The following ADGRB2 variants were observed in gnomAD, a reference collection of about 807,000 sequenced individuals.
ADGRB2 encodes the protein brain-specific angiogenesis inhibitor 2.
Under a neutral mutation model 178.7 loss-of-function variants are expected in ADGRB2, and 47 were observed. The ratio of observed to expected loss-of-function variants is 0.26; its 90% confidence interval spans 0.21 to 0.34. ADGRB2 has a LOEUF of 0.34. Ranked by LOEUF, ADGRB2 falls within the 10% of genes least tolerant of loss-of-function variation. The probability of loss-of-function intolerance (pLI) is 1.00; values close to 1 mark genes in which losing one functional copy is unlikely to be tolerated. For synonymous variants in ADGRB2, 870 were observed against 912.4 expected (o/e 0.95, Z 0.84); for missense variants, 1,584 against 2,180.8 (o/e 0.73, Z 5.45).
intron 18 of ADGRB2, 116 bp downstream of exon 18, chr1:31,738,084 G>T: frequency 7.0e-7 from 1 of 1,429,954 alleles, no homozygotes; most frequent in Non-Finnish European, 9.4e-7. Context: ...TCCCACAAGC[G>T]CACCTGCAGA....
Position 31,758,843 on chromosome 1 carries a change from A to C in ADGRB2, c.-190-1332T>G. On this transcript the variant is annotated intron_variant, in intron 1 of 32. Coordinates refer to ENST00000373658, the MANE Select transcript of ADGRB2 (RefSeq NM_001364857.2). The surrounding 1 kb of genome is among the most constrained non-coding windows in gnomAD (Gnocchi z 4.2). ...AGGGATCAGACCCCTGGTCTTTCCC[A>C]CCCTACATCATGCCTGTCCCACACT... 1 of 166,696 alleles carries C rather than the reference A, an allele frequency of 6.0e-6. No individual in the cohort carries two copies. The highest frequency in any genetic ancestry group is 1.3e-5 in the Non-Finnish European group (1 of 75,760). The allele number at this position is 166,696 out of a possible 1,614,324, so 10.3% of individuals were successfully genotyped here. A position where few individuals can be genotyped will look rare whatever the true frequency, so the allele number is the denominator to read the frequency against.
Position 31,740,197 on chromosome 1 carries a change from G to A in ADGRB2, c.1990-19C>T, listed in dbSNP as rs946748626. On this transcript the variant is annotated intron_variant, in intron 12 of 32. Coordinates refer to ENST00000373658, the MANE Select transcript of ADGRB2 (RefSeq NM_001364857.2). The surrounding 1 kb of genome is among the most constrained non-coding windows in gnomAD (Gnocchi z 5.9). ...AGAAGCGCTGAGGAGAGAGCAATGA[G>A]TGGCAGGGGGTCCTAGCCCCAGGGA... 4 of 1,613,840 alleles carry A rather than the reference G, an allele frequency of 2.5e-6. No homozygotes were observed. The highest frequency in any genetic ancestry group is 3.4e-6 in the Non-Finnish European group (4 of 1,180,000).
Position 31,731,006 on chromosome 1 carries a change from T to C in ADGRB2, c.4174A>G (p.Thr1392Ala). ...GACAGGAAGCTGGGGTAGCCTTCAG[T>C]GTGGGCCACTGTCTTGGCAGCTCGC... Reference protein sequence around the residue: ...PRRAAKTVAHTEGYPSFLSVD... With the variant: ...PRRAAKTVAHAEGYPSFLSVD... The change falls in exon 29 of 33, where the codon ACT (threonine) becomes GCT (alanine). Residue 1392 changes from threonine to alanine, a missense_variant. Physicochemically the swap from Thr to Ala is moderately conservative, Grantham distance 58. Coordinates refer to ENST00000373658, the MANE Select transcript of ADGRB2 (RefSeq NM_001364857.2). The C allele has an allele frequency of 6.3e-7, 1 of 1,576,806 alleles. No individual in the cohort carries two copies. The highest frequency in any genetic ancestry group is 8.6e-7 in the Non-Finnish European group (1 of 1,158,418).
In ADGRB2 at chr1:31,742,931, G is replaced by A. The variant is rs1243425104; in HGVS notation, c.1159C>T (p.Arg387Trp). The A allele has an allele frequency of 1.9e-6, 3 of 1,541,148 alleles. No individual in the cohort carries two copies. Among genetic ancestry groups the A allele is most frequent in the African/African-American group, 2.8e-5 (2 of 72,368 alleles). The change falls in exon 7 of 33, where the codon CGG (arginine) becomes TGG (tryptophan). Residue 387 changes from arginine (R) to tryptophan (W), a missense_variant. Coordinates refer to ENST00000373658, the MANE Select transcript of ADGRB2 (RefSeq NM_001364857.2). ...SRSCGRGSRS[R>W]MRTCVPPQHG... is the part of the protein sequence containing the mutation. Reference sequence around the variant, plus strand: ...TGGGGGGGCACGCAGGTCCGCATCCGGCTCCGGGACCCCCGCCCGCAGCTG... The same window carrying A: ...TGGGGGGGCACGCAGGTCCGCATCCAGCTCCGGGACCCCCGCCCGCAGCTG...
Position 31,744,441 on chromosome 1 carries a change from G to T in ADGRB2, c.923-84C>A. The T allele has an allele frequency of 6.6e-7, 1 of 1,516,460 alleles. No homozygotes were observed. Among genetic ancestry groups the T allele is most frequent in the East Asian group, 2.5e-5 (1 of 40,648 alleles). 93.9% of individuals were successfully genotyped at this position (1,516,460 alleles called of 1,614,324 possible). A position where few individuals can be genotyped will look rare whatever the true frequency, so the allele number is the denominator to read the frequency against. On this transcript the variant is annotated intron_variant, in intron 5 of 32. Transcript: ENST00000373658. This position sits in a 1 kb window ranked among gnomAD's most constrained non-coding sequence, Gnocchi z 6.7. ...GGGATAGGGGGAGTGGCAGTAAGGT[G>T]GGGGCAGGCATCAGAGGGCTCCTCC...
intron 18 of ADGRB2, 52 bp from the exon 19 acceptor site, chr1:31,737,807 A>G: frequency 6.6e-7 from 1 of 1,521,066 alleles, no homozygotes; most frequent in Non-Finnish European, 9.1e-7. Flanking sequence ...GGGGAGCTGC[A>G]GGGGTGCCCT....
At position 31,741,464 on chromosome 1, in the gene ADGRB2, C is replaced by T. The variant is rs768585899; in HGVS notation, c.1703G>A (p.Arg568His). 7 of 1,593,514 alleles carry T rather than the reference C, an allele frequency of 4.4e-6. No individual in the cohort carries two copies. The highest frequency in any genetic ancestry group is 1.1e-5 in the South Asian group (1 of 88,390). The change falls in exon 11 of 33, where the codon CGC (arginine) becomes CAC (histidine). Residue 568 changes from arginine to histidine, a missense_variant. Around this residue, in one of 3 missense-constraint regions of ADGRB2, gnomAD observed 657 missense variants for 847.6 expected, o/e 0.78. Transcript: ENST00000373658. This position sits in a 1 kb window ranked among gnomAD's most constrained non-coding sequence, Gnocchi z 6.5. ...CACGCCTTGGGCACTGAGGAGACAG[C>T]GGCGGCTGGCAGACCCTGCAGGGCA... ...PPNASGSASR[R>H]CLLSAQGVAY...
chr1:31,728,408 G>A lies in ADGRB2; in HGVS notation c.4417-128C>T. 1 of 1,265,710 alleles carries A rather than the reference G, an allele frequency of 7.9e-7. No homozygotes were observed. The highest frequency in any genetic ancestry group is 1.1e-6 in the Non-Finnish European group (1 of 884,130). 78.4% of individuals were successfully genotyped at this position (1,265,710 alleles called of 1,614,324 possible). A position where few individuals can be genotyped will look rare whatever the true frequency, so the allele number is the denominator to read the frequency against. ...GCCAGCCCCTCTGGGACAAGACCTA[G>A]TTCTCTCTTCACGTTGGTGCTATGG... is the stretch of plus-strand genomic sequence containing the variant. On this transcript the variant is annotated intron_variant, in intron 30 of 32. Coordinates refer to ENST00000373658, the MANE Select transcript of ADGRB2 (RefSeq NM_001364857.2). This position sits in a 1 kb window ranked among gnomAD's most constrained non-coding sequence, Gnocchi z 6.7.
chr1:31,741,366 C>A lies in ADGRB2; in HGVS notation c.1794+7G>T. ...TGCTGTGCCCCAGCCCAGCAGGGTG[C>A]ACTCACTGACAGATACAGGTAGCGG... On this transcript the variant is annotated splice_region_variant and intron_variant, in intron 11 of 32. Coordinates refer to ENST00000373658, the MANE Select transcript of ADGRB2 (RefSeq NM_001364857.2). The surrounding 1 kb of genome is among the most constrained non-coding windows in gnomAD (Gnocchi z 6.5). 6.3e-7 allele frequency: 1 copy of A among 1,594,078 alleles called. No homozygotes were observed. Among genetic ancestry groups the A allele is most frequent in the Non-Finnish European group, 8.5e-7 (1 of 1,170,062 alleles).
intron 20 of ADGRB2, among the ~76,000 whole-genome samples, chr1:31,736,978 G>A (rs1391394804): frequency 1.3e-5 from 2 of 152,218 alleles, no homozygotes; most frequent in Non-Finnish European, 2.9e-5. Context: ...CTGGCAGGGA[G>A]GGGGACAGAC....
At chr1:31,746,947 C>T (rs1374844352) in intron 4 of ADGRB2, among the ~76,000 whole-genome samples, 2 of 152,216 alleles carry the variant, frequency 1.3e-5, no homozygotes, top group African/African-American at 2.4e-5. Context: ...GCTCTGCAGC[C>T]AGCACTCTGG....
In ADGRB2 at chr1:31,756,200, C is replaced by T. The variant is rs1299361398; in HGVS notation, c.637G>A (p.Gly213Ser). ...RWSEECGRAA[G>S]RACGFAQPGC... ...GGCTGAGCAAAGCCGCAGGCCCTGC[C>T]GGCAGCGCGGCCACACTCCTCACTC... The change falls in exon 4 of 33, where the codon GGC becomes AGC. Residue 213 changes from glycine (G) to serine (S), a missense_variant. Coordinates refer to ENST00000373658, the MANE Select transcript of ADGRB2 (RefSeq NM_001364857.2). This position sits in a 1 kb window ranked among gnomAD's most constrained non-coding sequence, Gnocchi z 8.5. 5 of 1,613,502 alleles carry T rather than the reference C, an allele frequency of 3.1e-6. No individual in the cohort carries two copies. The highest frequency in any genetic ancestry group is 4.2e-6 in the Non-Finnish European group (5 of 1,179,894).
chr1:31,728,073 C>T lies in ADGRB2; in HGVS notation c.4524G>A (p.Lys1508=), dbSNP rs1569688013. 6.2e-7 allele frequency: 1 copy of T among 1,604,896 alleles called. No individual in the cohort carries two copies. The highest frequency in any genetic ancestry group is 1.1e-5 in the South Asian group (1 of 90,156). Residue 1508 remains lysine, a synonymous_variant, in exon 32 of 33, where the codon AAG becomes AAA. Coordinates refer to ENST00000373658, the MANE Select transcript of ADGRB2 (RefSeq NM_001364857.2). The surrounding 1 kb of genome is among the most constrained non-coding windows in gnomAD (Gnocchi z 6.7). ...CCCCACCCGAGGACACACTCCACCG[C>T]TTCTCCCTCTGCAACGGGGGCCACC... ...YRSQSTAKRE[K]RWSVSSGGAA...
At chr1:31,738,426 C>T in intron 17 of ADGRB2, 100 bp from the exon 18 acceptor site, 1 of 1,569,516 alleles carries the variant, frequency 6.4e-7, no homozygotes, top group South Asian at 1.2e-5. Flanking sequence ...ACAGTAAGGC[C>T]ACATCCACGA....
rs1553185142 is a variant in ADGRB2 at position 31,740,893 on chromosome 1, G to GTGCA, written c.1795-353_1795-352insTGCA. 5.9e-5 allele frequency among the ~76,000 whole-genome samples: 2 copies of GTGCA among 33,714 alleles called. No individual in the cohort carries two copies. The highest frequency in any genetic ancestry group is 7.6e-5 in the Non-Finnish European group (1 of 13,206). The allele number at this position is 33,714 out of a possible 152,430, so 22.1% of individuals were successfully genotyped here. On this transcript the variant is annotated intron_variant, in intron 11 of 32. Transcript: ENST00000373658. This position sits in a 1 kb window ranked among gnomAD's most constrained non-coding sequence, Gnocchi z 5.9. ...GTAATGAGCATGTGTGTGGGCGCGCGCGCACACACACACACACACACACAC... is the reference window on the plus strand; with the variant it reads ...GTAATGAGCATGTGTGTGGGCGCGCGTGCACGCACACACACACACACACACACAC...
rs1645585225 is a variant in ADGRB2, at chr1:31,735,961, C to G, written c.3201-68G>C. 1 of 1,457,366 alleles carries G rather than the reference C, an allele frequency of 6.9e-7. No individual in the cohort carries two copies. The allele number at this position is 1,457,366 out of a possible 1,614,324, so 90.3% of individuals were successfully genotyped here. A position where few individuals can be genotyped will look rare whatever the true frequency, so the allele number is the denominator to read the frequency against. ...CCCTCCCCACCCTCAAACACCATCC[C>G]TCAGTCCTCCCAGGCTGCCATGCCC... is the stretch of plus-strand genomic sequence containing the variant. On this transcript the variant is annotated intron_variant, in intron 22 of 32. Transcript: ENST00000373658. The surrounding 1 kb of genome is among the most constrained non-coding windows in gnomAD (Gnocchi z 6.0).
chr1:31,731,562 T>C (rs1645285967), intron 28 of ADGRB2, 143 bp from the exon 29 acceptor site: 1 of 1,033,900 alleles, frequency 9.7e-7, no homozygotes, highest in Admixed American at 3.1e-5. Context: ...GGGTGGTTGG[T>C]AATCTCTCAC....
Position 31,733,197 on chromosome 1 carries a change from C to CT in ADGRB2, c.3453-55dup. ...AGTGACACTCCGGGGGACAGGATGG[C>CT]TTGAGCCTAGGCCTCCACTCAGCTG... On this transcript the variant is annotated intron_variant, in intron 25 of 32. Coordinates refer to ENST00000373658, the MANE Select transcript of ADGRB2 (RefSeq NM_001364857.2). The surrounding 1 kb of genome is among the most constrained non-coding windows in gnomAD (Gnocchi z 4.3). 8.5e-6 allele frequency: 13 copies of CT among 1,533,436 alleles called. No homozygotes were observed. The highest frequency in any genetic ancestry group is 1.1e-5 in the Non-Finnish European group (13 of 1,137,394). The allele number at this position is 1,533,436 out of a possible 1,614,324, so 95.0% of individuals were successfully genotyped here. A position where few individuals can be genotyped will look rare whatever the true frequency, so the allele number is the denominator to read the frequency against.
Position 31,757,409 on chromosome 1 carries a change from G to A in ADGRB2, c.-88C>T. The A allele has an allele frequency of 6.5e-6, 5 of 773,922 alleles. No homozygotes were observed. Among genetic ancestry groups the A allele is most frequent in the Non-Finnish European group, 1.1e-5 (5 of 467,746 alleles). 47.9% of individuals were successfully genotyped at this position (773,922 alleles called of 1,614,324 possible). A position where few individuals can be genotyped will look rare whatever the true frequency, so the allele number is the denominator to read the frequency against. ...GCTTTACTGAGAGGGAGAGAAAGGG[G>A]CGGAGTTACAGCCAGTGTGCCAGGA... On this transcript the variant is annotated 5_prime_UTR_variant, in exon 2 of 33. Transcript: ENST00000373658.
Sources: gnomAD v4.1 joint callset for allele counts (sites outside exome capture counted in the v4.1 genomes callset) on GRCh38, gnomAD v4.1.1 for gene constraint, gnomAD v4.1.1 regional missense constraint, Gnocchi (gnomAD v3.1) non-coding constraint, MANE v1.5 for transcripts, NCBI Gene and HGNC (gene_info 2026-07-23, HGNC 2026-07-21) for gene names.